GTF2H5: variants seen among roughly 807,000 people sequenced by gnomAD.
GTF2H5 encodes the protein general transcription factor IIH subunit 5.
A neutral mutation model predicts 7.1 loss-of-function variants in GTF2H5; 5 were observed. That is an observed-to-expected ratio of 0.71 (90% CI 0.37 to 1.49). The LOEUF (loss-of-function observed/expected upper bound fraction) is 1.49, where lower values mean the gene tolerates loss of function less well. GTF2H5 is among the 40% of genes most tolerant of loss of function. The pLI, the probability that GTF2H5 is intolerant of heterozygous loss-of-function variation, is 0.03. For synonymous variants in GTF2H5, 30 were observed against 31.7 expected, an observed-to-expected ratio of 0.95 and a Z score of 0.18; for missense variants, 80 against 83.0, an observed-to-expected ratio of 0.96 and a Z score of 0.14.
intron 2 of GTF2H5, among the ~76,000 whole-genome samples, chr6:158,191,402 T>A (rs1378419675): frequency 6.6e-6 from 1 of 152,192 alleles, no homozygotes; most frequent in Non-Finnish European, 1.5e-5. Context: ...CTTTCAATAT[T>A]CTTTTATTTT....
chr6:158,170,171 G>A (rs940015067), intron 1 of GTF2H5, among the ~76,000 whole-genome samples: 2 of 152,088 alleles, frequency 1.3e-5, no homozygotes, highest in South Asian at 2.1e-4. Flanking sequence ...TTGAATAATG[G>A]ACGGTTTATA....
At position 158,194,339 on chromosome 6, in the gene GTF2H5, G is replaced by A. The variant is rs1174000919; in HGVS notation, c.*2182G>A. The A allele has an allele frequency of 6.6e-6, 1 of 152,226 alleles. No homozygotes were observed. Among genetic ancestry groups the A allele is most frequent in the Non-Finnish European group, 1.5e-5 (1 of 68,040 alleles). The allele number at this position is 152,226 out of a possible 1,614,324, so 9.4% of individuals were successfully genotyped here. A position where few individuals can be genotyped will look rare whatever the true frequency, so the allele number is the denominator to read the frequency against. Reference sequence around the variant, plus strand: ...GTGGCTCACACTTGGAATTCTCTCAGCTCCGAGGAAGGGGCTTGATTTTCC... The same window carrying A: ...GTGGCTCACACTTGGAATTCTCTCAACTCCGAGGAAGGGGCTTGATTTTCC... On this transcript the variant is annotated 3_prime_UTR_variant, in exon 3 of 3. Transcript: ENST00000607778.
intron 2 of GTF2H5, among the ~76,000 whole-genome samples, chr6:158,175,332 G>T (rs1785919465): frequency 6.6e-6 from 1 of 152,168 alleles, no homozygotes; most frequent in Non-Finnish European, 1.5e-5. Context: ...TTGTCTTCCA[G>T]TCATAGCTTT....
chr6:158,182,776 C>G (rs966901504), intron 2 of GTF2H5, among the ~76,000 whole-genome samples: 3 of 152,052 alleles, frequency 2.0e-5, no homozygotes, highest in Non-Finnish European at 4.4e-5. Flanking sequence ...AACCATTCGT[C>G]TAAACTTTTT....
At chr6:158,169,027 A>G (rs867724270) in intron 1 of GTF2H5, among the ~76,000 whole-genome samples, 1 of 151,814 alleles carries the variant, frequency 6.6e-6, no homozygotes, top group East Asian at 1.9e-4. Context: ...TGAGATCAGG[A>G]GTTCGAGACC....
chr6:158,188,310 C>T (rs1469403963), intron 2 of GTF2H5, among the ~76,000 whole-genome samples: 1 of 152,272 alleles, frequency 6.6e-6, no homozygotes, highest in East Asian at 1.9e-4. Flanking sequence ...CAGTCCCTCC[C>T]CTTCTACCTT....
intron 1 of GTF2H5, among the ~76,000 whole-genome samples, chr6:158,169,697 A>ATAGTATATTGTATATTATATG (rs1562469234): frequency 2.3e-5 from 2 of 85,458 alleles, no homozygotes; most frequent in African/African-American, 5.1e-5. Flanking sequence ...TATATATTAT[A>ATAGTATATTGTATATTATATG]TAATATATTG....
At chr6:158,181,913 CATT>C (rs1213072081) in intron 2 of GTF2H5, among the ~76,000 whole-genome samples, 2 of 152,286 alleles carry the variant, frequency 1.3e-5, no homozygotes, top group East Asian at 3.9e-4. Flanking sequence ...TTGATCCTGT[CATT>C]ATGAGGCTAG....
At position 158,190,489 on chromosome 6, in the gene GTF2H5, C is replaced by G. The variant is rs188895274; in HGVS notation, c.36-1488C>G. On this transcript the variant is annotated intron_variant, in intron 2 of 2. Transcript: ENST00000607778. Reference sequence around the variant, plus strand: ...TGCTTCCATCCTTGCCTCTGCCACTCCCAGTCTTTTCTCAACCCAGCAGCC... The same window carrying G: ...TGCTTCCATCCTTGCCTCTGCCACTGCCAGTCTTTTCTCAACCCAGCAGCC... 7.9e-5 allele frequency among the ~76,000 whole-genome samples: 12 copies of G among 152,266 alleles called. No homozygotes were observed. The East Asian group carries it at 2.3e-3, about 29-fold the overall frequency.
chr6:158,195,998 T>A lies in GTF2H5; in HGVS notation c.*3841T>A, dbSNP rs1375547604. 1.3e-5 allele frequency: 2 copies of A among 152,152 alleles called. No individual in the cohort carries two copies. The highest frequency in any genetic ancestry group is 1.5e-5 in the Non-Finnish European group (1 of 68,022). The allele number at this position is 152,152 out of a possible 1,614,324, so 9.4% of individuals were successfully genotyped here. On this transcript the variant is annotated 3_prime_UTR_variant, in exon 3 of 3. Coordinates refer to ENST00000607778, the MANE Select transcript of GTF2H5 (RefSeq NM_207118.3). ...TAGGCAAGTGATTAAGAGCACTGAC[T>A]GGGCCGGGCGCGGTGGCTCACGTCT...
chr6:158,185,952 C>T (rs528642051), intron 2 of GTF2H5, among the ~76,000 whole-genome samples: 180 of 152,192 alleles, frequency 1.2e-3, no homozygotes, highest in Non-Finnish European at 2.2e-3. Context: ...CGTGATGACG[C>T]CTACTGCCCT....
At chr6:158,190,526 T>C (rs1292224091) in intron 2 of GTF2H5, 1 of 349,016 alleles carries the variant, frequency 2.9e-6, no homozygotes, top group African/African-American at 2.2e-5. Flanking sequence ...ATATGATCCT[T>C]ACAGTTAAAA....
intron 2 of GTF2H5, among the ~76,000 whole-genome samples, chr6:158,185,117 A>G (rs1315389457): frequency 6.8e-6 from 1 of 147,336 alleles, no homozygotes; most frequent in Non-Finnish European, 1.5e-5. Flanking sequence ...TTTGTGTTTC[A>G]TGACAAAATG....
At chr6:158,181,306 T>C (rs1448289365) in intron 2 of GTF2H5, among the ~76,000 whole-genome samples, 3 of 152,204 alleles carry the variant, frequency 2.0e-5, no homozygotes, top group Non-Finnish European at 2.9e-5. Context: ...TGGTCAATTT[T>C]AGAATAAGTG....
At position 158,197,333 on chromosome 6, in the gene GTF2H5, A is replaced by G. The variant is rs1043126260; in HGVS notation, c.*5176A>G. The G allele has an allele frequency of 4.8e-5, 9 of 186,172 alleles. No homozygotes were observed. Among genetic ancestry groups the G allele is most frequent in the South Asian group, 1.2e-4 (1 of 8,050 alleles). 11.5% of individuals were successfully genotyped at this position (186,172 alleles called of 1,614,324 possible). On this transcript the variant is annotated 3_prime_UTR_variant, in exon 3 of 3. Coordinates refer to ENST00000607778, the MANE Select transcript of GTF2H5 (RefSeq NM_207118.3). ...TAGTCACTACTCATTCAAAAACTCT[A>G]TAGTTGTCTGAGTCGTTATGCTCAA...
intron 2 of GTF2H5, among the ~76,000 whole-genome samples, chr6:158,189,540 C>T (rs140931532): frequency 0.011 from 1,689 of 152,242 alleles, 15 homozygotes; most frequent in Non-Finnish European, 0.017. Flanking sequence ...TCCTTACCCT[C>T]GTGCCAGCTC....
intron 2 of GTF2H5, among the ~76,000 whole-genome samples, chr6:158,184,282 C>G (rs942940719): frequency 6.6e-6 from 1 of 151,970 alleles, no homozygotes; most frequent in African/African-American, 2.4e-5. Flanking sequence ...GGAGCCGCAT[C>G]GAATTCCTGT....
At chr6:158,179,925 A>G (rs1370430077) in intron 2 of GTF2H5, among the ~76,000 whole-genome samples, 1 of 152,160 alleles carries the variant, frequency 6.6e-6, no homozygotes, top group Non-Finnish European at 1.5e-5. Context: ...CGGTTTTCAA[A>G]GGGAATGCTT....
chr6:158,169,719 T>TAA (rs1554267159), intron 1 of GTF2H5, among the ~76,000 whole-genome samples: 5 of 54,300 alleles, frequency 9.2e-5, no homozygotes, highest in African/African-American at 2.4e-4. Flanking sequence ...ATATTATATA[T>TAA]TATATAATAT....
Sources: allele counts gnomAD v4.1 joint callset (sites outside exome capture counted in the v4.1 genomes callset), GRCh38; gene constraint gnomAD v4.1.1; transcripts MANE v1.5; gene names NCBI Gene and HGNC (gene_info 2026-07-23, HGNC 2026-07-21).